The following HKDC1 variants were observed in gnomAD, a reference collection of about 807,000 sequenced individuals.
HKDC1 encodes hexokinase domain containing 1.
A neutral mutation model predicts 96.6 loss-of-function variants in HKDC1; 66 were observed. That is an observed-to-expected ratio of 0.68 (90% CI 0.56 to 0.84). HKDC1 has a LOEUF of 0.84. Among genes scored for constraint, HKDC1 ranks in the 40% least tolerant of loss-of-function variants. The probability of loss-of-function intolerance (pLI) is 0.00; values close to 1 mark genes in which losing one functional copy is unlikely to be tolerated. For missense variants in HKDC1, 1,211 were observed against 1,208.1 expected (o/e 1.00, Z -0.04); for synonymous variants, 466 against 473.1 (o/e 0.98, Z 0.20).
At chr10:69,248,226 G>A (rs1843574162) in intron 9 of HKDC1, among the ~76,000 whole-genome samples, 198 bp from the exon 10 acceptor site, 1 of 151,980 alleles carries the variant, frequency 6.6e-6, no homozygotes, top group Non-Finnish European at 1.5e-5. Context: ...ACTTCCCCGA[G>A]CCTCCCAAGT....
At chr10:69,264,395 A>G (rs1843858638) in intron 16 of HKDC1, among the ~76,000 whole-genome samples, 1 of 148,286 alleles carries the variant, frequency 6.7e-6, no homozygotes, top group South Asian at 2.1e-4. Flanking sequence ...TTTTTTTGAG[A>G]CAAGATCTTA....
At position 69,256,388 on chromosome 10, in the gene HKDC1, T is replaced by C. The variant is rs75432814; in HGVS notation, c.1837-648T>C. On this transcript the variant is annotated intron_variant, in intron 12 of 17. Transcript: ENST00000354624. ...TTGGTAGCTTTGCCTTTGATCACAT[T>C]GTAATCTGTCCTTGACTAAGTTAGA... 9.1e-3 allele frequency among the ~76,000 whole-genome samples: 1,389 copies of C among 152,324 alleles called. 22 individuals are homozygous for C. The highest frequency in any genetic ancestry group is 0.029 in the African/African-American group (1,204 of 41,566).
intron 2 of HKDC1, among the ~76,000 whole-genome samples, chr10:69,229,549 C>A (rs1843218377): frequency 6.6e-6 from 1 of 152,214 alleles, no homozygotes; most frequent in African/African-American, 2.4e-5. Flanking sequence ...GTCCGCCTGG[C>A]TTCCTGGACT....
rs1167065899 is a variant in HKDC1, at chr10:69,266,735, A to G, written c.2732A>G (p.Gln911Arg). ...ATCACTGCTGTGGCCAAGAGGTTAC[A>G]GCAGGCACAGAAGGAGAACTAGGAA... is the stretch of plus-strand genomic sequence containing the variant. ...ALITAVAKRL[Q>R]QAQKEN Residue 911 changes from glutamine (Q) to arginine (R), a missense_variant, in exon 18 of 18, where the codon CAG (glutamine) becomes CGG (arginine). Gln to Arg is a conservative substitution (Grantham distance 43). Coordinates refer to ENST00000354624, the MANE Select transcript of HKDC1 (RefSeq NM_025130.4). 1.9e-6 allele frequency: 3 copies of G among 1,613,282 alleles called. No individual in the cohort carries two copies. In the African/African-American group the frequency reaches 4.0e-5, roughly 22 times the overall value.
rs10646729 is a variant in HKDC1 at position 69,245,570 on chromosome 10, C to CAATAATAATAATAAT, written c.876-484_876-470dup. On this transcript the variant is annotated intron_variant, in intron 7 of 17. Transcript: ENST00000354624. ...GGGTGACAGAACGAGATCCTGTCTC[C>CAATAATAATAATAAT]AATAATAATAATAATAATAATAATA... Among the ~76,000 whole-genome samples, 641 of 139,374 alleles carry CAATAATAATAATAAT rather than the reference C, an allele frequency of 4.6e-3. 2 individuals are homozygous for CAATAATAATAATAAT. The highest frequency in any genetic ancestry group is 0.011 in the Middle Eastern group (3 of 278). The allele number at this position is 139,374 out of a possible 152,430, so 91.4% of individuals were successfully genotyped here.
intron 16 of HKDC1, among the ~76,000 whole-genome samples, chr10:69,263,179 C>T (rs980033413): frequency 6.6e-6 from 1 of 152,156 alleles, no homozygotes; most frequent in African/African-American, 2.4e-5. Context: ...ATCCTCCCAC[C>T]TCAGCTGCCA....
At chr10:69,243,412 C>T in intron 7 of HKDC1, 47 bp downstream of exon 7, 1 of 1,473,874 alleles carries the variant, frequency 6.8e-7, no homozygotes, top group African/African-American at 1.5e-5. Flanking sequence ...CAGGCAGTGC[C>T]TAATCACTCA....
Position 69,257,036 on chromosome 10 carries a change from G to A in HKDC1, c.1837G>A (p.Gly613Arg). 6.2e-7 allele frequency: 1 copy of A among 1,612,924 alleles called. No homozygotes were observed. Among genetic ancestry groups the A allele is most frequent in the Non-Finnish European group, 8.5e-7 (1 of 1,178,954 alleles). ...FPCRQMSIDK[G>R]TLIGWTKGFK... ...ATGAATTTCCCCTCCTTTCTTTCAGGGAACACTCATAGGGTGGACCAAAGG... is the reference window on the plus strand; with the variant it reads ...ATGAATTTCCCCTCCTTTCTTTCAGAGAACACTCATAGGGTGGACCAAAGG... The change falls in exon 13 of 18, where the codon GGA becomes AGA. Residue 613 changes from glycine to arginine, a missense_variant and splice_region_variant. By Grantham distance (125) the Gly-to-Arg change is moderately radical. Coordinates refer to ENST00000354624, the MANE Select transcript of HKDC1 (RefSeq NM_025130.4).
Position 69,227,242 on chromosome 10 carries a change from T to A in HKDC1, c.99T>A (p.Asp33Glu), listed in dbSNP as rs1314791510. 5.0e-6 allele frequency: 8 copies of A among 1,614,194 alleles called. No individual in the cohort carries two copies. The highest frequency in any genetic ancestry group is 2.2e-5 in the East Asian group (1 of 44,880). ...DRFLYHMRLSDDTLLDIMRRF... is the reference protein window; with the variant it reads ...DRFLYHMRLSEDTLLDIMRRF... ...TCCTGTATCACATGCGGCTCTCCGA[T>A]GACACCCTTTTGGACATCATGAGGC... is the stretch of plus-strand genomic sequence containing the variant. Residue 33 changes from aspartate (D) to glutamate (E), a missense_variant, in exon 2 of 18, where the codon GAT becomes GAA. Physicochemically the swap from Asp to Glu is conservative, Grantham distance 45 (BLOSUM62 2). Coordinates refer to ENST00000354624, the MANE Select transcript of HKDC1 (RefSeq NM_025130.4).
chr10:69,243,560 G>A (rs1394902847), intron 7 of HKDC1, among the ~76,000 whole-genome samples, 195 bp downstream of exon 7: 1 of 146,776 alleles, frequency 6.8e-6, no homozygotes. Context: ...GCGGTGGCAC[G>A]ATCTTGGCTC....
rs547205031 is a variant in HKDC1 at position 69,228,340 on chromosome 10, C to T, written c.226+971C>T. On this transcript the variant is annotated intron_variant, in intron 2 of 17. Transcript: ENST00000354624. ...ATGCTTAGATAATCCAGGATAATCT[C>T]CCAACTTCAAGGTCAGCTGATGAGC... Among the ~76,000 whole-genome samples, 146 of 152,278 alleles carry T rather than the reference C, an allele frequency of 9.6e-4. 1 individual carries two copies. Among genetic ancestry groups the T allele is most frequent in the Middle Eastern group, 6.8e-3 (2 of 294 alleles).
At position 69,260,462 on chromosome 10, in the gene HKDC1, T is replaced by C. The variant is rs546713702; in HGVS notation, c.2217-677T>C. Reference sequence around the variant, plus strand: ...GCCACTGAAGGCTCACATTTTTGGATTGAGGTTTTAAGGGGGCAGCACCTT... The same window carrying C: ...GCCACTGAAGGCTCACATTTTTGGACTGAGGTTTTAAGGGGGCAGCACCTT... On this transcript the variant is annotated intron_variant, in intron 15 of 17. Coordinates refer to ENST00000354624, the MANE Select transcript of HKDC1 (RefSeq NM_025130.4). 2.6e-5 allele frequency among the ~76,000 whole-genome samples: 4 copies of C among 152,312 alleles called. No homozygotes were observed. In the East Asian group the frequency reaches 5.8e-4, roughly 22 times the overall value.
rs749421787 is a variant in HKDC1 at position 69,220,495 on chromosome 10, G to A, written c.60G>A (p.Lys20=). 8 of 1,597,084 alleles carry A rather than the reference G, an allele frequency of 5.0e-6. No individual in the cohort carries two copies. The East Asian group carries it at 1.6e-4, about 32-fold the overall frequency. The change falls in exon 1 of 18, where the codon AAG becomes AAA. Residue 20 remains lysine, a synonymous_variant. Transcript: ENST00000354624. ...GCAAGCTGAAGGAGGACCAGATCAA[G>A]AAGGTAAGGAGGACCCACGAAGCTG... is the stretch of plus-strand genomic sequence containing the variant. ...YFSKLKEDQI[K]KVDRFLYHMR... is the part of the protein sequence containing the mutation.
In HKDC1 at chr10:69,250,303, T is replaced by A. The variant is rs1385699916; in HGVS notation, c.1584T>A (p.Phe528Leu). 1 of 1,613,524 alleles carries A rather than the reference T, an allele frequency of 6.2e-7. No homozygotes were observed. The highest frequency in any genetic ancestry group is 8.5e-7 in the Non-Finnish European group (1 of 1,179,700). Reference protein sequence around the residue: ...GLPDGTEKGKFLALDLGGTNF... With the variant: ...GLPDGTEKGKLLALDLGGTNF... ...TCTCCATCACAGAGAAAGGAAAGTT[T>A]CTCGCCCTGGATCTTGGGGGAACCA... Residue 528 changes from phenylalanine (F) to leucine (L), a missense_variant, in exon 11 of 18, where the codon TTT becomes TTA. By Grantham distance (22) the Phe-to-Leu change is conservative (BLOSUM62 0). Transcript: ENST00000354624.
At chr10:69,222,126 G>T (rs575564764) in intron 1 of HKDC1, among the ~76,000 whole-genome samples, 4 of 152,204 alleles carry the variant, frequency 2.6e-5, no homozygotes, top group African/African-American at 4.8e-5. Flanking sequence ...GAAGGCTGAG[G>T]CAGGAGAATC....
At position 69,266,744 on chromosome 10, in the gene HKDC1, A is replaced by C; in HGVS notation, c.2741A>C (p.Gln914Pro). 2 of 1,612,148 alleles carry C rather than the reference A, an allele frequency of 1.2e-6. No individual in the cohort carries two copies. The highest frequency in any genetic ancestry group is 1.7e-6 in the Non-Finnish European group (2 of 1,179,348). ...TAVAKRLQQA[Q>P]KEN ...GTGGCCAAGAGGTTACAGCAGGCAC[A>C]GAAGGAGAACTAGGAACCCCTGGGA... The change falls in exon 18 of 18, where the codon CAG becomes CCG. Residue 914 changes from glutamine (Q) to proline (P), a missense_variant. Coordinates refer to ENST00000354624, the MANE Select transcript of HKDC1 (RefSeq NM_025130.4).
intron 16 of HKDC1, among the ~76,000 whole-genome samples, chr10:69,263,987 CTG>C (rs1193369983): frequency 6.6e-6 from 1 of 152,188 alleles, no homozygotes. Context: ...TGGTGAAACT[CTG>C]TCTCTACTAA....
chr10:69,227,567 C>T (rs529604252), intron 2 of HKDC1, among the ~76,000 whole-genome samples, 198 bp downstream of exon 2: 16 of 150,202 alleles, frequency 1.1e-4, no homozygotes, highest in Non-Finnish European at 1.8e-4. Context: ...GGCACCGTGG[C>T]TTCTCTGCCC....
Position 69,250,304 on chromosome 10 carries a change from C to T in HKDC1, c.1585C>T (p.Leu529Phe). 1 of 1,613,532 alleles carries T rather than the reference C, an allele frequency of 6.2e-7. No individual in the cohort carries two copies. Among genetic ancestry groups the T allele is most frequent in the Non-Finnish European group, 8.5e-7 (1 of 1,179,708 alleles). Residue 529 changes from leucine to phenylalanine, a missense_variant, in exon 11 of 18, where the codon CTC becomes TTC. Leu to Phe is a conservative substitution (Grantham distance 22, BLOSUM62 0). Transcript: ENST00000354624. ...CTCCATCACAGAGAAAGGAAAGTTT[C>T]TCGCCCTGGATCTTGGGGGAACCAA... ...LPDGTEKGKF[L>F]ALDLGGTNFR...
Sources: allele counts gnomAD v4.1 joint callset (sites outside exome capture counted in the v4.1 genomes callset), GRCh38; gene constraint gnomAD v4.1.1; transcripts MANE v1.5; gene names NCBI Gene and HGNC (gene_info 2026-07-23, HGNC 2026-07-21).